HRH1: variants seen among roughly 807,000 people sequenced by gnomAD.
The protein encoded by HRH1 is histamine receptor H1, also known as histamine H1 receptor.
A neutral mutation model predicts 10.3 loss-of-function variants in HRH1; 6 were observed. That is an observed-to-expected ratio of 0.58 (90% CI 0.32 to 1.15). The LOEUF (loss-of-function observed/expected upper bound fraction) is 1.15, where lower values mean the gene tolerates loss of function less well. Among genes scored for constraint, HRH1 ranks in the 50% most tolerant of loss-of-function variants. The pLI, the probability that HRH1 is intolerant of heterozygous loss-of-function variation, is 0.05. For synonymous variants in HRH1, 242 were observed against 236.7 expected (o/e 1.02, Z -0.21); for missense variants, 514 against 615.3 (o/e 0.84, Z 1.74).
At chr3:11,175,364 TCTC>T (rs1318951022) in intron 1 of HRH1, among the ~76,000 whole-genome samples, 1 of 152,156 alleles carries the variant, frequency 6.6e-6, no homozygotes, top group Non-Finnish European at 1.5e-5. Context: ...CCAAACTCCA[TCTC>T]CTGACCATTA....
At chr3:11,234,583 G>GTTCCAGTTAATGTCTTCATT in intron 1 of HRH1, 1 of 1,440,294 alleles carries the variant, frequency 6.9e-7, no homozygotes, top group Non-Finnish European at 9.8e-7. Flanking sequence ...TGGATCGTTG[G>GTTCCAGTTAATGTCTTCATT]GGTCATCAGC....
At chr3:11,148,835 T>TGC (rs1936527982) in intron 1 of HRH1, among the ~76,000 whole-genome samples, 1 of 122,296 alleles carries the variant, frequency 8.2e-6, no homozygotes, top group African/African-American at 4.0e-5. Context: ...TTTTTTTTTT[T>TGC]GCTACACCAG....
intron 1 of HRH1, among the ~76,000 whole-genome samples, chr3:11,202,923 C>T (rs1937985118): frequency 6.6e-6 from 1 of 152,196 alleles, no homozygotes; most frequent in African/African-American, 2.4e-5. Context: ...CTTCCCCTGC[C>T]CAAATCCTGC....
intron 1 of HRH1, among the ~76,000 whole-genome samples, chr3:11,250,311 G>A (rs544315139): frequency 2.0e-5 from 3 of 149,496 alleles, no homozygotes; most frequent in South Asian, 4.2e-4. Flanking sequence ...CGTCCGTCTC[G>A]GCCTCCCAAA....
chr3:11,172,704 C>T (rs1185036996), intron 1 of HRH1, among the ~76,000 whole-genome samples: 17 of 130,874 alleles, frequency 1.3e-4, no homozygotes, highest in South Asian at 7.5e-4. Context: ...TTTGGCGAAT[C>T]TTTTTTTTTT....
At chr3:11,205,909 C>T (rs924071442) in intron 1 of HRH1, among the ~76,000 whole-genome samples, 1 of 152,084 alleles carries the variant, frequency 6.6e-6, no homozygotes, top group African/African-American at 2.4e-5. Flanking sequence ...ATCCGCCCGC[C>T]GCGGCCTCCC....
chr3:11,207,591 G>A (rs1043005904), intron 1 of HRH1, among the ~76,000 whole-genome samples: 6 of 151,966 alleles, frequency 3.9e-5, no homozygotes, highest in Non-Finnish European at 5.9e-5. Context: ...GAAAGAGGCC[G>A]ACCTGAACTG....
intron 1 of HRH1, among the ~76,000 whole-genome samples, chr3:11,240,045 T>G (rs935757837): frequency 6.6e-5 from 10 of 152,250 alleles, no homozygotes; most frequent in Non-Finnish European, 1.0e-4. Context: ...CAGAGATAAC[T>G]TCTGGTTCAA....
At chr3:11,184,958 C>T (rs1937424400) in intron 1 of HRH1, among the ~76,000 whole-genome samples, 1 of 150,464 alleles carries the variant, frequency 6.6e-6, no homozygotes, top group Admixed American at 6.6e-5. Context: ...TTTTGATAGG[C>T]TCAGTGGACA....
At chr3:11,208,259 T>C (rs574329313) in intron 1 of HRH1, among the ~76,000 whole-genome samples, 2 of 152,174 alleles carry the variant, frequency 1.3e-5, no homozygotes, top group Admixed American at 1.3e-4. Flanking sequence ...TTCAAGTGAT[T>C]CTCATGACTC....
At chr3:11,183,281 C>T (rs779252579) in intron 1 of HRH1, among the ~76,000 whole-genome samples, 29 of 152,174 alleles carry the variant, frequency 1.9e-4, no homozygotes, top group Middle Eastern at 3.2e-3. Flanking sequence ...TGCTTCCTCA[C>T]GGCGGCAGGG....
chr3:11,196,953 C>CAAAAAAAAAAAAAA (rs35134148), intron 1 of HRH1, among the ~76,000 whole-genome samples: 1 of 110,462 alleles, frequency 9.1e-6, no homozygotes, highest in African/African-American at 3.7e-5. Context: ...ACTAAAAATA[C>CAAAAAAAAAAAAAA]AAAAAAAAAA....
At chr3:11,169,317 C>T (rs1440416522) in intron 1 of HRH1, among the ~76,000 whole-genome samples, 1 of 152,198 alleles carries the variant, frequency 6.6e-6, no homozygotes, top group African/African-American at 2.4e-5. Flanking sequence ...ACCCCCAGGC[C>T]TGTGTCTCGG....
chr3:11,146,360 C>T (rs1339515797), intron 1 of HRH1, among the ~76,000 whole-genome samples: 1 of 152,160 alleles, frequency 6.6e-6, no homozygotes, highest in Admixed American at 6.5e-5. Context: ...GGCTACTGTC[C>T]TTTTCTGGCT....
At chr3:11,181,244 A>G (rs1937346569) in intron 1 of HRH1, among the ~76,000 whole-genome samples, 1 of 152,186 alleles carries the variant, frequency 6.6e-6, no homozygotes, top group Non-Finnish European at 1.5e-5. Context: ...GCTGTGAGCC[A>G]CTGCACTCCA....
chr3:11,240,152 G>T (rs530297474), intron 1 of HRH1, among the ~76,000 whole-genome samples: 1 of 152,102 alleles, frequency 6.6e-6, no homozygotes, highest in Admixed American at 6.5e-5. Flanking sequence ...GGCTTGACTT[G>T]AGCTGGGAAA....
chr3:11,139,832 G>C lies in HRH1; in HGVS notation c.-36+2433G>C, dbSNP rs556282044. Among the ~76,000 whole-genome samples the C allele has an allele frequency of 1.9e-4, 29 of 152,168 alleles. 1 individual carries two copies. The highest frequency in any genetic ancestry group is 6.2e-4 in the South Asian group (3 of 4,826). ...CATGGTCGCCAAGAGATGGGGAAAG[G>C]GGGGGAATTAGGAGTTATGGAGTTG... On this transcript the variant is annotated intron_variant, in intron 1 of 1. Coordinates refer to the HRH1 transcript ENST00000438284.
chr3:11,174,864 G>A (rs1434506829), intron 1 of HRH1, among the ~76,000 whole-genome samples: 2 of 152,154 alleles, frequency 1.3e-5, no homozygotes, highest in Admixed American at 6.5e-5. Context: ...AGCCATTGTG[G>A]GGTCTGGGTA....
chr3:11,155,852 C>T (rs952665007), intron 1 of HRH1, among the ~76,000 whole-genome samples: 2 of 152,098 alleles, frequency 1.3e-5, no homozygotes, highest in African/African-American at 4.8e-5. Context: ...CACATGAGAG[C>T]ATCATTATGC....
Sources: gnomAD v4.1 joint callset for allele counts (sites outside exome capture counted in the v4.1 genomes callset) on GRCh38, gnomAD v4.1.1 for gene constraint, MANE v1.5 for transcripts, NCBI Gene and HGNC (gene_info 2026-07-23, HGNC 2026-07-21) for gene names.